RIC1: variants seen among roughly 807,000 people sequenced by gnomAD.
RIC1 encodes RIC1 partner of RAB6A GEF complex.
In RIC1, 88 loss-of-function variants were observed where a neutral mutation model predicts 169.0. The observed-to-expected ratio is 0.52, with a 90% confidence interval of 0.44 to 0.62. The LOEUF is 0.62. RIC1 is among the 20% of genes least tolerant of loss of function. The pLI is 0.00. For missense variants in RIC1, 1,877 were observed against 1,725.5 expected, an observed-to-expected ratio of 1.09 and a Z score of -1.56; for synonymous variants, 790 against 601.5, an observed-to-expected ratio of 1.31 and a Z score of -4.59.
intron 6 of RIC1, among the ~76,000 whole-genome samples, chr9:5,730,618 G>A (rs1824313914): frequency 3.3e-5 from 5 of 152,066 alleles, no homozygotes; most frequent in Non-Finnish European, 7.4e-5. Flanking sequence ...TGTTGTAGGG[G>A]TGTGAGGATA....
Position 5,746,010 on chromosome 9 carries a change from G to T in RIC1, c.1175G>T (p.Arg392Met), listed in dbSNP as rs138987836. ...SQNTEIESDL[R>M]SVVKQPSILL... Reference sequence around the variant, plus strand: ...AACACTGAAATTGAGTCTGACCTCAGGAGTGTAGTTAAACAGCCCAGCATC... The same window carrying T: ...AACACTGAAATTGAGTCTGACCTCATGAGTGTAGTTAAACAGCCCAGCATC... Residue 392 changes from arginine to methionine, a missense_variant, in exon 11 of 26, where the codon AGG becomes ATG. Physicochemically the swap from Arg to Met is moderately conservative, Grantham distance 91 (BLOSUM62 -1). This residue lies in a region of RIC1 where 1,104 missense variants were observed against 992.0 expected (regional missense o/e 1.11). Transcript: ENST00000414202. 1.0e-3 allele frequency: 1,627 copies of T among 1,613,732 alleles called. 5 individuals carry two copies. The highest frequency in any genetic ancestry group is 2.3e-3 in the Admixed American group (140 of 60,004).
chr9:5,720,786 T>G, intron 6 of RIC1, 36 bp downstream of exon 6: 1 of 1,501,782 alleles, frequency 6.7e-7, no homozygotes. Flanking sequence ...TTTTTGTTAT[T>G]GTGTACTTAT....
At chr9:5,653,680 C>T (rs1189076255) in intron 1 of RIC1, among the ~76,000 whole-genome samples, 1 of 152,094 alleles carries the variant, frequency 6.6e-6, no homozygotes, top group South Asian at 2.1e-4. Context: ...TCACTGCAGC[C>T]TCCGTCTCCT....
At chr9:5,724,727 T>A (rs1013621211) in intron 6 of RIC1, among the ~76,000 whole-genome samples, 1 of 152,196 alleles carries the variant, frequency 6.6e-6, no homozygotes, top group Admixed American at 6.5e-5. Flanking sequence ...TTGAGATACG[T>A]CCCATCAATA....
At chr9:5,752,414 T>C (rs1385685256) in intron 12 of RIC1, among the ~76,000 whole-genome samples, 4 of 152,014 alleles carry the variant, frequency 2.6e-5, no homozygotes, top group Non-Finnish European at 5.9e-5. Flanking sequence ...TGTCAATTTT[T>C]ATATTGCATA....
chr9:5,658,032 G>A (rs1819207111), intron 2 of RIC1, among the ~76,000 whole-genome samples: 1 of 151,992 alleles, frequency 6.6e-6, no homozygotes, highest in African/African-American at 2.4e-5. Flanking sequence ...TCATTGCTTT[G>A]CTCTTCTGTT....
chr9:5,686,754 G>A (rs959256797), intron 2 of RIC1, among the ~76,000 whole-genome samples: 9 of 151,790 alleles, frequency 5.9e-5, no homozygotes, highest in Admixed American at 3.3e-4. Context: ...ATGTGCACAT[G>A]TACCCTAAAA....
At chr9:5,655,277 G>T (rs550758505) in intron 1 of RIC1, among the ~76,000 whole-genome samples, 3 of 151,886 alleles carry the variant, frequency 2.0e-5, no homozygotes, top group Non-Finnish European at 4.4e-5. Context: ...GTGTTGTTCT[G>T]TAGTTTGCTC....
intron 12 of RIC1, among the ~76,000 whole-genome samples, chr9:5,751,481 G>C (rs1189114628): frequency 6.6e-6 from 1 of 151,680 alleles, no homozygotes; most frequent in Non-Finnish European, 1.5e-5. Context: ...TCAGCTTCCC[G>C]AGTAGCTGGG....
At chr9:5,690,791 A>G (rs1359979006) in intron 3 of RIC1, among the ~76,000 whole-genome samples, 1 of 151,962 alleles carries the variant, frequency 6.6e-6, no homozygotes, top group Non-Finnish European at 1.5e-5. Context: ...GCCAAGTCTT[A>G]CTACTTTTAT....
intron 2 of RIC1, among the ~76,000 whole-genome samples, chr9:5,686,469 C>T (rs1021410742): frequency 3.3e-5 from 5 of 151,954 alleles, no homozygotes; most frequent in African/African-American, 1.2e-4. Context: ...GAGTTCATGT[C>T]CTTTGTAGAG....
intron 3 of RIC1, chr9:5,712,809 G>C (rs1224671604): frequency 6.6e-6 from 1 of 152,170 alleles, no homozygotes; most frequent in Non-Finnish European, 1.5e-5. Context: ...TGTCACATCA[G>C]TCAGACATGT....
downstream of RIC1, among the ~76,000 whole-genome samples, chr9:5,778,401 C>T (rs933907565): frequency 9.9e-5 from 15 of 152,176 alleles, no homozygotes; most frequent in African/African-American, 1.9e-4. Flanking sequence ...TCCTGCCAAA[C>T]GGTCCTGGCT....
chr9:5,654,591 G>A (rs1818980303), intron 1 of RIC1, among the ~76,000 whole-genome samples: 1 of 152,134 alleles, frequency 6.6e-6, no homozygotes, highest in Admixed American at 6.6e-5. Flanking sequence ...CTAGGGTGGA[G>A]TGCAGTAGCG....
chr9:5,746,225 A>C, intron 11 of RIC1, 142 bp downstream of exon 11: 1 of 519,558 alleles, frequency 1.9e-6, no homozygotes, highest in Non-Finnish European at 3.1e-6. Context: ...TTTTTAATTT[A>C]TATTAAATTT....
chr9:5,717,751 A>G (rs1823341932), intron 4 of RIC1, among the ~76,000 whole-genome samples: 1 of 151,880 alleles, frequency 6.6e-6, no homozygotes, highest in Non-Finnish European at 1.5e-5. Context: ...AGGCTGAGGC[A>G]GGAGAATCCC....
At chr9:5,704,607 A>G (rs1292046130) in intron 3 of RIC1, among the ~76,000 whole-genome samples, 1 of 151,642 alleles carries the variant, frequency 6.6e-6, no homozygotes, top group African/African-American at 2.4e-5. Context: ...TGATTTTCAT[A>G]TTTTTTTTCT....
chr9:5,678,641 G>A (rs1820605966), intron 2 of RIC1, among the ~76,000 whole-genome samples: 1 of 152,148 alleles, frequency 6.6e-6, no homozygotes, highest in Admixed American at 6.5e-5. Context: ...CTGCATAAAT[G>A]TCTTCTTTTG....
rs897181972 is a variant in RIC1 at position 5,763,254 on chromosome 9, G to T, written c.2227G>T (p.Gly743Cys). The T allele has an allele frequency of 1.9e-6, 3 of 1,614,008 alleles. No homozygotes were observed. In the African/African-American group the frequency reaches 4.0e-5, roughly 22 times the overall value. Residue 743 changes from glycine to cysteine, a missense_variant, in exon 19 of 26, where the codon GGT (glycine) becomes TGT (cysteine). Gly to Cys is a radical substitution (Grantham distance 159). Transcript: ENST00000414202. This position sits in a 1 kb window ranked among gnomAD's most constrained non-coding sequence, Gnocchi z 5.2. ...GGAGGCCCTCTGGCTGAGCTGTGGTGGTGCAGGGATGAAAGTTTGGCTCCC... is the reference window on the plus strand; with the variant it reads ...GGAGGCCCTCTGGCTGAGCTGTGGTTGTGCAGGGATGAAAGTTTGGCTCCC... Reference protein sequence around the residue: ...LLEALWLSCGGAGMKVWLPLF... With the variant: ...LLEALWLSCGCAGMKVWLPLF...
Sources: gnomAD v4.1 joint callset for allele counts (sites outside exome capture counted in the v4.1 genomes callset) on GRCh38, gnomAD v4.1.1 for gene constraint, gnomAD v4.1.1 regional missense constraint, Gnocchi (gnomAD v3.1) non-coding constraint, MANE v1.5 for transcripts, NCBI Gene and HGNC (gene_info 2026-07-23, HGNC 2026-07-21) for gene names.